KPNA1: variants seen among roughly 807,000 people sequenced by gnomAD.
KPNA1 encodes karyopherin subunit alpha 1, also known as importin subunit alpha-5.
A neutral mutation model predicts 70.5 loss-of-function variants in KPNA1; 10 were observed. That is an observed-to-expected ratio of 0.14 (90% CI 0.09 to 0.24). KPNA1 has a LOEUF of 0.24. KPNA1 is among the 10% of genes least tolerant of loss of function. The probability of loss-of-function intolerance (pLI) is 1.00; values close to 1 mark genes in which losing one functional copy is unlikely to be tolerated. For missense variants in KPNA1, 397 were observed against 637.9 expected (o/e 0.62, Z 4.07); for synonymous variants, 192 against 221.9 (o/e 0.87, Z 1.20).
chr3:122,492,796 C>T (rs1439596476), intron 2 of KPNA1, among the ~76,000 whole-genome samples: 1 of 152,170 alleles, frequency 6.6e-6, no homozygotes, highest in Non-Finnish European at 1.5e-5. Context: ...TGCAAAGGTT[C>T]TTTCCAGAGA....
At chr3:122,497,907 GAT>G (rs1181246459) in intron 1 of KPNA1, among the ~76,000 whole-genome samples, 7 of 151,854 alleles carry the variant, frequency 4.6e-5, no homozygotes, top group Non-Finnish European at 8.8e-5. Context: ...TTTTAATTTT[GAT>G]GAAGTCCAAA....
intron 2 of KPNA1, among the ~76,000 whole-genome samples, chr3:122,475,626 G>A (rs935188352): frequency 2.0e-5 from 3 of 152,074 alleles, no homozygotes; most frequent in African/African-American, 4.8e-5. Flanking sequence ...TGACACAGGC[G>A]TTAGGGAAGC....
chr3:122,508,067 A>C (rs1034098735), intron 1 of KPNA1, among the ~76,000 whole-genome samples: 2 of 150,224 alleles, frequency 1.3e-5, no homozygotes, highest in African/African-American at 2.4e-5. Context: ...CAGAGGAGAA[A>C]ACAAAGAGTT....
At chr3:122,438,035 C>T (rs769405297) in intron 10 of KPNA1, among the ~76,000 whole-genome samples, 2 of 152,266 alleles carry the variant, frequency 1.3e-5, no homozygotes, top group Non-Finnish European at 2.9e-5. Context: ...TTTCTTAACC[C>T]TGATATGGTT....
rs936683246 is a variant in KPNA1 at position 122,424,119 on chromosome 3, A to G, written c.*2866T>C. 2 of 152,130 alleles carry G rather than the reference A, an allele frequency of 1.3e-5. No homozygotes were observed. Among genetic ancestry groups the G allele is most frequent in the African/African-American group, 4.8e-5 (2 of 41,428 alleles). The allele number at this position is 152,130 out of a possible 1,614,324, so 9.4% of individuals were successfully genotyped here. On this transcript the variant is annotated 3_prime_UTR_variant, in exon 14 of 14. Coordinates refer to ENST00000344337, the MANE Select transcript of KPNA1 (RefSeq NM_002264.4). ...TCTTAATGCTTTTTTTCCCCCACCAAAGTTCTCATTACAAATAATATAGAT... is the reference window on the plus strand; with the variant it reads ...TCTTAATGCTTTTTTTCCCCCACCAGAGTTCTCATTACAAATAATATAGAT...
chr3:122,442,875 C>T (rs1405273588), intron 9 of KPNA1: 4 of 152,254 alleles, frequency 2.6e-5, no homozygotes, highest in African/African-American at 9.7e-5. Context: ...TCTGCAGCTC[C>T]CAGAGTGATC....
Position 122,437,152 on chromosome 3 carries a change from T to C in KPNA1, c.1122+18A>G, listed in dbSNP as rs1314827763. The C allele has an allele frequency of 3.7e-6, 6 of 1,600,458 alleles. No homozygotes were observed. The highest frequency in any genetic ancestry group is 4.3e-6 in the Non-Finnish European group (5 of 1,175,720). ...TCAATAAAAATACTGAAAGAGAAGT[T>C]AGGTCCTATGAGGTTACCTGGATCT... is the stretch of plus-strand genomic sequence containing the variant. On this transcript the variant is annotated intron_variant, in intron 11 of 13. Transcript: ENST00000344337.
At chr3:122,491,250 C>T (rs1015877987) in intron 2 of KPNA1, among the ~76,000 whole-genome samples, 1 of 152,172 alleles carries the variant, frequency 6.6e-6, no homozygotes, top group African/African-American at 2.4e-5. Context: ...TTTATACGCA[C>T]AGGCAGTTTG....
intron 6 of KPNA1, among the ~76,000 whole-genome samples, chr3:122,452,432 C>G: frequency 6.7e-6 from 1 of 150,152 alleles, no homozygotes; most frequent in East Asian, 2.0e-4. Context: ...CTGCTTGAAC[C>G]TGACAGGCCA....
chr3:122,442,181 C>T (rs959084038), intron 9 of KPNA1, 65 bp from the exon 10 acceptor site: 83 of 1,349,516 alleles, frequency 6.2e-5, no homozygotes, highest in Admixed American at 7.7e-5. Flanking sequence ...CCTTCCAAGA[C>T]CAAAATTAAA....
intron 2 of KPNA1, among the ~76,000 whole-genome samples, chr3:122,468,395 T>A (rs1054606557): frequency 6.6e-6 from 1 of 152,170 alleles, no homozygotes; most frequent in Non-Finnish European, 1.5e-5. Context: ...TTTAACTTAA[T>A]ACTAATCAGC....
At chr3:122,452,365 C>T (rs554198078) in intron 6 of KPNA1, among the ~76,000 whole-genome samples, 13 of 151,284 alleles carry the variant, frequency 8.6e-5, no homozygotes, top group East Asian at 1.9e-4. Context: ...CAAAATTAGC[C>T]GGGTGTGGTG....
At chr3:122,454,443 GA>G (rs2076244157) in intron 5 of KPNA1, among the ~76,000 whole-genome samples, 1 of 152,202 alleles carries the variant, frequency 6.6e-6, no homozygotes, top group Admixed American at 6.5e-5. Flanking sequence ...TGCCTGCATA[GA>G]AAGGTGATGG....
chr3:122,452,451 G>A (rs1001218697), intron 6 of KPNA1, among the ~76,000 whole-genome samples: 1 of 147,808 alleles, frequency 6.8e-6, no homozygotes, highest in Non-Finnish European at 1.5e-5. Context: ...CAAGGTTGCA[G>A]TGAGCCGAGA....
At position 122,514,839 on chromosome 3, in the gene KPNA1, C is replaced by T. The variant is rs1304436379; in HGVS notation, c.-88G>A. 1.3e-5 allele frequency: 2 copies of T among 152,808 alleles called. No homozygotes were observed. Among genetic ancestry groups the T allele is most frequent in the Non-Finnish European group, 2.9e-5 (2 of 68,544 alleles). The allele number at this position is 152,808 out of a possible 1,614,324, so 9.5% of individuals were successfully genotyped here. ...CCCGCCGTGCCACTCCCGCGCACAA[C>T]CTCGAAGAGCTGGCCCGCGCCTCGG... On this transcript the variant is annotated 5_prime_UTR_variant, in exon 1 of 14. Transcript: ENST00000344337.
At chr3:122,513,590 G>A (rs2076980257) in intron 1 of KPNA1, among the ~76,000 whole-genome samples, 1 of 152,018 alleles carries the variant, frequency 6.6e-6, no homozygotes, top group African/African-American at 2.4e-5. Context: ...GATGCCTTGA[G>A]GCCAGGAGTT....
rs575431569 is a variant in KPNA1 at position 122,480,854 on chromosome 3, T to C, written c.130-13425A>G. Among the ~76,000 whole-genome samples the C allele has an allele frequency of 1.1e-4, 17 of 152,168 alleles. No individual in the cohort carries two copies. The East Asian group carries it at 3.1e-3, about 28-fold the overall frequency. ...ATAATAAAAAATTAGCTAGGCATGG[T>C]GGCGTGTGCCTGTAGTCCTAGCTAC... On this transcript the variant is annotated intron_variant, in intron 2 of 13. Coordinates refer to ENST00000344337, the MANE Select transcript of KPNA1 (RefSeq NM_002264.4).
chr3:122,500,306 G>C (rs879369082), intron 1 of KPNA1, among the ~76,000 whole-genome samples: 1 of 151,922 alleles, frequency 6.6e-6, no homozygotes, highest in East Asian at 1.9e-4. Context: ...ATTTTTAGTA[G>C]AGACAGCGTT....
intron 9 of KPNA1, among the ~76,000 whole-genome samples, 157 bp from the exon 10 acceptor site, chr3:122,442,273 A>C (rs943399123): frequency 6.6e-6 from 1 of 152,210 alleles, no homozygotes; most frequent in Non-Finnish European, 1.5e-5. Flanking sequence ...TGATGATGGA[A>C]TGTCTGGTGT....
Sources: gnomAD v4.1 joint callset for allele counts (sites outside exome capture counted in the v4.1 genomes callset) on GRCh38, gnomAD v4.1.1 for gene constraint, MANE v1.5 for transcripts, NCBI Gene and HGNC (gene_info 2026-07-23, HGNC 2026-07-21) for gene names.